Variants in PHACTR1 observed in about 807,000 individuals in gnomAD.
PHACTR1 encodes RPEL repeat containing 1.
Under a neutral mutation model 69.2 loss-of-function variants are expected in PHACTR1, and 16 were observed. The observed-to-expected ratio is 0.23, with a 90% CI of 0.16 to 0.35. The LOEUF (loss-of-function observed/expected upper bound fraction) is 0.35. PHACTR1 is among the 10% of genes least tolerant of loss of function. The probability of loss-of-function intolerance (pLI) is 1.00; values close to 1 mark genes in which losing one functional copy is unlikely to be tolerated. For synonymous variants in PHACTR1, 312 were observed against 284.5 expected, an observed-to-expected ratio of 1.10 and a Z score of -0.97; for missense variants, 510 against 734.7, an observed-to-expected ratio of 0.69 and a Z score of 3.54.
intron 5 of PHACTR1, among the ~76,000 whole-genome samples, chr6:13,122,730 T>C (rs755115476): frequency 6.6e-6 from 1 of 152,232 alleles, no homozygotes; most frequent in Non-Finnish European, 1.5e-5. Flanking sequence ...CTGTTAGGTA[T>C]AATTCCCTTA....
At chr6:13,145,064 A>G (rs1273802093) in intron 5 of PHACTR1, among the ~76,000 whole-genome samples, 3 of 152,232 alleles carry the variant, frequency 2.0e-5, no homozygotes, top group Non-Finnish European at 2.9e-5. Context: ...TTGGTTATCT[A>G]TTTTTAAGAA....
intron 5 of PHACTR1, among the ~76,000 whole-genome samples, chr6:13,066,673 C>G (rs141905527): frequency 2.6e-3 from 399 of 152,136 alleles, no homozygotes; most frequent in Middle Eastern, 0.014. Flanking sequence ...CTGCTGGTCT[C>G]TCTTGGGGTC....
At chr6:13,110,538 G>T (rs942283131) in intron 5 of PHACTR1, among the ~76,000 whole-genome samples, 12 of 152,164 alleles carry the variant, frequency 7.9e-5, no homozygotes, top group Non-Finnish European at 1.0e-4. Flanking sequence ...CTGTAGTTCT[G>T]CTCCGTGCCG....
At chr6:12,789,809 G>A (rs888494727) in intron 4 of PHACTR1, among the ~76,000 whole-genome samples, 7 of 149,724 alleles carry the variant, frequency 4.7e-5, no homozygotes, top group Admixed American at 6.7e-5. Context: ...AAGTTTTAGG[G>A]TACATGTGCA....
intron 4 of PHACTR1, among the ~76,000 whole-genome samples, chr6:13,008,029 A>T (rs1391508944): frequency 1.4e-4 from 21 of 152,318 alleles, no homozygotes; most frequent in Non-Finnish European, 3.1e-4. Context: ...CCCACAAAAC[A>T]CACAAAAAAC....
chr6:12,930,599 C>T (rs1481892879), intron 4 of PHACTR1, among the ~76,000 whole-genome samples: 3 of 152,248 alleles, frequency 2.0e-5, no homozygotes, highest in Admixed American at 1.3e-4. Flanking sequence ...GAGCCTGAAT[C>T]CAAGACTCTA....
At chr6:12,953,854 T>C (rs1430876146) in intron 4 of PHACTR1, among the ~76,000 whole-genome samples, 2 of 152,238 alleles carry the variant, frequency 1.3e-5, no homozygotes, top group South Asian at 2.1e-4. Context: ...CAGACATTTA[T>C]TGAAATACTC....
rs540356735 is a variant in PHACTR1, at chr6:12,949,603, G to A, written c.251-103762G>A. Among the ~76,000 whole-genome samples the A allele has an allele frequency of 3.9e-5, 6 of 152,316 alleles. No individual in the cohort carries two copies. The East Asian group carries it at 1.2e-3, about 29-fold the overall frequency. ...TTGGAGAGGATATTCCAACCAGGAA[G>A]GGGGTCTGAATATAGTGCTATAGTG... On this transcript the variant is annotated intron_variant, in intron 4 of 14. Transcript: ENST00000332995.
At position 13,053,405 on chromosome 6, in the gene PHACTR1, C is replaced by T. The variant is rs1806278554; in HGVS notation, c.291C>T (p.Ser97=). Residue 97 remains serine, a synonymous_variant, in exon 5 of 15, where the codon TCC becomes TCT. Transcript: ENST00000332995. ...VERLAAMRSD[S]LVPGTHTPPI... is the part of the protein sequence containing the mutation. ...GGCTGGCGGCGATGCGTTCTGACTC[C>T]CTCGTCCCAGGCACCCACACCCCAC... 1 of 1,613,216 alleles carries T rather than the reference C, an allele frequency of 6.2e-7. No homozygotes were observed. Among genetic ancestry groups the T allele is most frequent in the Non-Finnish European group, 8.5e-7 (1 of 1,179,612 alleles).
chr6:12,939,629 T>G (rs1022882639), intron 4 of PHACTR1, among the ~76,000 whole-genome samples: 4 of 152,174 alleles, frequency 2.6e-5, no homozygotes, highest in Admixed American at 1.3e-4. Context: ...CATTCCACTC[T>G]TCTTTATTGA....
At chr6:13,158,662 C>G (rs968939091) in intron 5 of PHACTR1, among the ~76,000 whole-genome samples, 1 of 152,178 alleles carries the variant, frequency 6.6e-6, no homozygotes, top group Non-Finnish European at 1.5e-5. Context: ...ATGGAGATGT[C>G]CTGGTCCCAC....
intron 5 of PHACTR1, among the ~76,000 whole-genome samples, chr6:13,141,960 G>A (rs1822557320): frequency 6.6e-6 from 1 of 152,042 alleles, no homozygotes; most frequent in East Asian, 1.9e-4. Flanking sequence ...AAATGCTGGG[G>A]TGCAATCCAG....
At chr6:13,025,474 A>G (rs1801547182) in intron 4 of PHACTR1, among the ~76,000 whole-genome samples, 1 of 152,170 alleles carries the variant, frequency 6.6e-6, no homozygotes, top group African/African-American at 2.4e-5. Flanking sequence ...TTTCAGAACT[A>G]TAGTTTAAAA....
chr6:13,236,741 G>T (rs975629951), intron 10 of PHACTR1, among the ~76,000 whole-genome samples: 1 of 152,164 alleles, frequency 6.6e-6, no homozygotes, highest in Non-Finnish European at 1.5e-5. Context: ...TCAATAAGGG[G>T]ACATTCTGAG....
chr6:12,750,156 A>G (rs1766419567), intron 4 of PHACTR1, among the ~76,000 whole-genome samples: 1 of 152,152 alleles, frequency 6.6e-6, no homozygotes, highest in Admixed American at 6.5e-5. Flanking sequence ...TGGCGCGGCT[A>G]CTACGGGGTG....
At chr6:13,286,244 T>C (rs1182463139) in intron 14 of PHACTR1, 22 bp downstream of exon 14, 2 of 1,525,838 alleles carry the variant, frequency 1.3e-6, no homozygotes, top group Non-Finnish European at 1.8e-6. Context: ...GGGTTTTTTT[T>C]TTCCTTTTTT....
chr6:12,887,995 C>T (rs562155774), intron 4 of PHACTR1, among the ~76,000 whole-genome samples: 1 of 147,152 alleles, frequency 6.8e-6, no homozygotes, highest in Admixed American at 7.1e-5. Flanking sequence ...ATTGCTTGAA[C>T]CCAGGAAGCA....
chr6:13,258,747 A>AT (rs895879086), intron 10 of PHACTR1, among the ~76,000 whole-genome samples: 1 of 152,200 alleles, frequency 6.6e-6, no homozygotes, highest in Non-Finnish European at 1.5e-5. Context: ...AAGAAGGTTC[A>AT]TTTTTTGCCA....
In PHACTR1 at chr6:13,195,757, C is replaced by CAAAAAAAAAAAAAAAAAAAAAAAAA. The variant is rs869092852; in HGVS notation, c.665-10035_665-10034insAAAAAAAAAAAAAAAAAAAAAAAAA. On this transcript the variant is annotated intron_variant, in intron 7 of 14. Transcript: ENST00000332995. The stretch of plus-strand genomic sequence containing the variant: ...TGGGCGACAGAGAGAGACACCGTCT[C>CAAAAAAAAAAAAAAAAAAAAAAAAA]AAAAAAAAAAAAAAAAAAAAAAAGT... Among the ~76,000 whole-genome samples, 35 of 41,486 alleles carry CAAAAAAAAAAAAAAAAAAAAAAAAA rather than the reference C, an allele frequency of 8.4e-4. 2 individuals are homozygous for CAAAAAAAAAAAAAAAAAAAAAAAAA. The highest frequency in any genetic ancestry group is 1.7e-3 in the Admixed American group (5 of 2,956). The allele number at this position is 41,486 out of a possible 152,430, so 27.2% of individuals were successfully genotyped here.
Sources: gnomAD v4.1 joint callset for allele counts (sites outside exome capture counted in the v4.1 genomes callset) on GRCh38, gnomAD v4.1.1 for gene constraint, MANE v1.5 for transcripts, NCBI Gene and HGNC (gene_info 2026-07-23, HGNC 2026-07-21) for gene names.